MUC12: variants seen among roughly 807,000 people sequenced by gnomAD.
MUC12 encodes the protein mucin 12, cell surface associated.
A neutral mutation model predicts 230.8 loss-of-function variants in MUC12; 172 were observed. The ratio of observed to expected loss-of-function variants is 0.75; its 90% CI spans 0.66 to 0.85. The LOEUF (loss-of-function observed/expected upper bound fraction) is 0.85, where lower values mean the gene tolerates loss of function less well. MUC12 is among the 40% of genes least tolerant of loss of function. MUC12 has a pLI of 0.00. For missense variants in MUC12, 3,506 were observed against 5,920.6 expected (o/e 0.59, Z 13.38); for synonymous variants, 1,259 against 2,401.9 (o/e 0.52, Z 13.91).
chr7:101,005,563 G>A (rs1793733862), intron 2 of MUC12, 44 bp downstream of exon 2: 1 of 1,500,510 alleles, frequency 6.7e-7, no homozygotes. Context: ...TCTTCTCCAG[G>A]CCTGTCCATG....
chr7:101,014,441 T>C (rs1037375722), intron 9 of MUC12: 1 of 177,004 alleles, frequency 5.6e-6, no homozygotes, highest in Non-Finnish European at 1.2e-5. Context: ...CATGGCAGTC[T>C]GCAGCACATG....
rs565202978 is a variant in MUC12, at chr7:101,002,802, T to A, written c.12239T>A (p.Phe4080Tyr). 58 of 1,177,566 alleles carry A rather than the reference T, an allele frequency of 4.9e-5. 1 individual carries two copies. The African/African-American group carries it at 8.2e-4, about 17-fold the overall frequency. The allele number at this position is 1,177,566 out of a possible 1,614,324, so 72.9% of individuals were successfully genotyped here. A position where few individuals can be genotyped will look rare whatever the true frequency, so the allele number is the denominator to read the frequency against. Residue 4080 changes from phenylalanine to tyrosine, a missense_variant, in exon 2 of 12, where the codon TTC becomes TAC. Coordinates refer to ENST00000536621, the MANE Select transcript of MUC12 (RefSeq NM_001164462.2). The part of the protein sequence containing the change: ...STGLQEESTT[F>Y]QSWPSSSDTT... The stretch of plus-strand genomic sequence containing the variant: ...GGCCTTCAGGAAGAATCTACCACTT[T>A]CCAGAGCTGGCCAAGCTCAAGTGAC...
At chr7:101,010,726 G>T (rs1001942170) in intron 5 of MUC12, among the ~76,000 whole-genome samples, 1 of 152,116 alleles carries the variant, frequency 6.6e-6, no homozygotes, top group Non-Finnish European at 1.5e-5. Context: ...CGTTGGCCAG[G>T]CTGGTCTCGA....
chr7:100,972,530 G>C (rs1388155716), intron 1 of MUC12, among the ~76,000 whole-genome samples: 5 of 14,506 alleles, frequency 3.4e-4, no homozygotes, highest in Non-Finnish European at 7.0e-4. Context: ...TTTTGAGACA[G>C]TCTCCTCTGT....
At chr7:101,015,141 C>A (rs560108373) in intron 9 of MUC12, 4 of 164,994 alleles carry the variant, frequency 2.4e-5, no homozygotes, top group Admixed American at 2.2e-4. Context: ...GAAACAGAAG[C>A]TTATGTGTGG....
chr7:100,991,941 G>C lies in MUC12; in HGVS notation c.1378G>C (p.Val460Leu), dbSNP rs1406900429. 1.7e-5 allele frequency: 26 copies of C among 1,537,726 alleles called. No individual in the cohort carries two copies. The highest frequency in any genetic ancestry group is 2.0e-5 in the Non-Finnish European group (23 of 1,147,058). ...TVLPAGSTPS[V>L]LVGDSTPSPI... is the part of the protein sequence containing the mutation. ...CTTACCTGCCGGCTCTACACCCTCA[G>C]TTCTTGTTGGAGACTCGACGCCCTC... Residue 460 changes from valine (V) to leucine (L), a missense_variant, in exon 2 of 12, where the codon GTT becomes CTT. Transcript: ENST00000536621.
chr7:100,981,348 G>C, intron 1 of MUC12: 1 of 609,060 alleles, frequency 1.6e-6, no homozygotes, highest in Non-Finnish European at 2.9e-6. Flanking sequence ...CCCAGAGCAT[G>C]GTTCCCTTGT....
Position 101,005,013 on chromosome 7 carries a change from CT to C in MUC12, c.14454del (p.Phe4818LeufsTer166). 1 of 1,537,636 alleles carries C rather than the reference CT, an allele frequency of 6.5e-7. No homozygotes were observed. The highest frequency in any genetic ancestry group is 2.4e-5 in the East Asian group (1 of 40,916). ...TLSPGSITTS[S>X]FAQEFTTPHS... ...TCCCCTGGCAGCATCACAACTTCAT[CT>C]TTTGCTCAAGAATTTACCACCCCTC... On this transcript the variant is annotated frameshift_variant, in exon 2 of 12. Coordinates refer to ENST00000536621, the MANE Select transcript of MUC12 (RefSeq NM_001164462.2). LOFTEE classifies it high-confidence loss of function.
chr7:100,995,648 A>C lies in MUC12; in HGVS notation c.5085A>C (p.Ser1695=). 1.3e-6 allele frequency: 2 copies of C among 1,536,888 alleles called. No individual in the cohort carries two copies. Among genetic ancestry groups the C allele is most frequent in the Non-Finnish European group, 1.7e-6 (2 of 1,147,014 alleles). ...ESTTFQSWPS[S]KDTMPAPPTT... ...CCACCTTCCAGAGCTGGCCAAGCTC[A>C]AAGGACACTATGCCTGCACCTCCTA... Residue 1695 remains serine, a synonymous_variant, in exon 2 of 12, where the codon TCA becomes TCC. Transcript: ENST00000536621.
chr7:101,013,269 C>A, intron 8 of MUC12, 127 bp downstream of exon 8: 1 of 998,294 alleles, frequency 1.0e-6, no homozygotes, highest in Non-Finnish European at 1.5e-6. Flanking sequence ...CACTCCTGGA[C>A]ATACCTCTCC....
In MUC12 at chr7:101,008,622, C is replaced by T; in HGVS notation, c.15059-12C>T. 2 of 1,536,672 alleles carry T rather than the reference C, an allele frequency of 1.3e-6. No homozygotes were observed. The highest frequency in any genetic ancestry group is 1.7e-6 in the Non-Finnish European group (2 of 1,146,538). ...GTCGCTGTCTCACGCATACCATGGCCTTTTCCCACAGAAACCCCGGAAAAA... is the reference window on the plus strand; with the variant it reads ...GTCGCTGTCTCACGCATACCATGGCTTTTTCCCACAGAAACCCCGGAAAAA... On this transcript the variant is annotated splice_polypyrimidine_tract_variant and intron_variant, in intron 3 of 11. Transcript: ENST00000536621.
Position 101,017,657 on chromosome 7 carries a change from C to G in MUC12, c.15960C>G (p.Gly5320=). 1 of 1,535,698 alleles carries G rather than the reference C, an allele frequency of 6.5e-7. No homozygotes were observed. Among genetic ancestry groups the G allele is most frequent in the Non-Finnish European group, 8.7e-7 (1 of 1,145,844 alleles). Residue 5320 remains glycine, a synonymous_variant, in exon 11 of 12, where the codon GGC becomes GGG. Transcript: ENST00000536621. ...CCACCCTGGAGACTGTTGACTCTGG[C>G]ACAGAGGTGACTCAGCTGCGAGCTG... is the stretch of plus-strand genomic sequence containing the variant. ...FRPTLETVDS[G]TELHIQRPEM... is the part of the protein sequence containing the mutation.
intron 2 of MUC12, 75 bp downstream of exon 2, chr7:101,005,594 A>C: frequency 7.0e-7 from 1 of 1,424,538 alleles, no homozygotes; most frequent in Non-Finnish European, 9.3e-7. Context: ...ATCCATTACA[A>C]CCTCTCTTGG....
chr7:100,972,932 A>G (rs1792937652), intron 1 of MUC12: 1 of 703,094 alleles, frequency 1.4e-6, no homozygotes, highest in Non-Finnish European at 2.6e-6. Flanking sequence ...AGAAGGCAGA[A>G]AAATCATTTC....
intron 11 of MUC12, 73 bp downstream of exon 11, chr7:101,017,736 ACTCCCTTCTCCCCCTG>A: frequency 1.0e-6 from 1 of 976,092 alleles, no homozygotes. Flanking sequence ...TTCCCCCGGG[ACTCCCTTCTCCCCCTG>A]GGACTCCCTT....
chr7:100,970,870 A>ACG (rs1792864081), intron 1 of MUC12, among the ~76,000 whole-genome samples: 2 of 152,006 alleles, frequency 1.3e-5, no homozygotes, highest in African/African-American at 2.4e-5. Flanking sequence ...GGTGGCGGGC[A>ACG]CCTGTAGTCC....
chr7:100,969,784 TCC>T, intron 1 of MUC12, 95 bp downstream of exon 1: 1 of 1,438,686 alleles, frequency 7.0e-7, no homozygotes, highest in East Asian at 2.5e-5. Flanking sequence ...GGTGGCCTCC[TCC>T]CCTTTGCATG....
chr7:101,005,005 A>T lies in MUC12; in HGVS notation c.14442A>T (p.Thr4814=). ...TETTLSPGSI[T]TSSFAQEFTT... Reference sequence around the variant, plus strand: ...CAACACTGTCCCCTGGCAGCATCACAACTTCATCTTTTGCTCAAGAATTTA... The same window carrying T: ...CAACACTGTCCCCTGGCAGCATCACTACTTCATCTTTTGCTCAAGAATTTA... Residue 4814 remains threonine, a synonymous_variant, in exon 2 of 12, where the codon ACA becomes ACT. Transcript: ENST00000536621. 2 of 1,537,624 alleles carry T rather than the reference A, an allele frequency of 1.3e-6. No homozygotes were observed. Among genetic ancestry groups the T allele is most frequent in the Non-Finnish European group, 1.7e-6 (2 of 1,147,008 alleles).
At chr7:100,982,684 C>T (rs1227555348) in intron 1 of MUC12, among the ~76,000 whole-genome samples, 2 of 152,074 alleles carry the variant, frequency 1.3e-5, no homozygotes, top group Non-Finnish European at 2.9e-5. Context: ...CCCCCTTGGC[C>T]TCCCAAAGTG....
Sources: gnomAD v4.1 joint callset for allele counts (sites outside exome capture counted in the v4.1 genomes callset) on GRCh38, gnomAD v4.1.1 for gene constraint, MANE v1.5 for transcripts, NCBI Gene and HGNC (gene_info 2026-07-23, HGNC 2026-07-21) for gene names.